The following NMUR1 variants were observed in gnomAD, a reference collection of about 807,000 sequenced individuals.
NMUR1 encodes the protein neuromedin U receptor 1.
NMUR1 carries 16 observed loss-of-function variants against 18.8 expected under a neutral mutation model. The ratio of observed to expected loss-of-function variants is 0.85; its 90% CI spans 0.58 to 1.29. NMUR1 has a LOEUF of 1.29. Among genes scored for constraint, NMUR1 ranks in the 50% most tolerant of loss-of-function variants. The pLI is 0.00. For synonymous variants in NMUR1, 258 were observed against 258.2 expected, an observed-to-expected ratio of 1.00 and a Z score of 0.01; for missense variants, 529 against 580.3, an observed-to-expected ratio of 0.91 and a Z score of 0.91.
chr2:231,525,109 G>A lies in NMUR1; in HGVS notation c.1215C>T (p.Gly405=). The A allele has an allele frequency of 6.2e-7, 1 of 1,612,670 alleles. No individual in the cohort carries two copies. The highest frequency in any genetic ancestry group is 8.5e-7 in the Non-Finnish European group (1 of 1,179,222). Residue 405 remains glycine (G), a synonymous_variant, in exon 3 of 3, where the codon GGC becomes GGT. Transcript: ENST00000305141. ...TCCCAGCCAGGGGGTGGACCCAGCT[G>A]CCCAGGGAGCCCACATCACACAGGG... The part of the protein sequence containing the change: ...GSTLCDVGSL[G]SWVHPLAGND...
In NMUR1 at chr2:231,528,828, C is replaced by A; in HGVS notation, c.193G>T (p.Ala65Ser). ...ACCACGAAGATCAGCAGGTATGTGG[C>A]ACAGATGGGCATGAACAGCTCTGTC... ...QQTELFMPICATYLLIFVVGA... is the reference protein window; with the variant it reads ...QQTELFMPICSTYLLIFVVGA... Residue 65 changes from alanine (A) to serine (S), a missense_variant, in exon 2 of 3, where the codon GCC (alanine) becomes TCC (serine). Physicochemically the swap from Ala to Ser is moderately conservative, Grantham distance 99. Transcript: ENST00000305141. The A allele has an allele frequency of 6.2e-7, 1 of 1,614,224 alleles. No homozygotes were observed. The highest frequency in any genetic ancestry group is 1.1e-5 in the South Asian group (1 of 91,080).
rs139422374 is a variant in NMUR1, at chr2:231,528,811, G to T, written c.210C>A (p.Ile70=). ...CATTGCCCACAGCGCCCACCACGAAGATCAGCAGGTATGTGGCACAGATGG... is the reference window on the plus strand; with the variant it reads ...CATTGCCCACAGCGCCCACCACGAATATCAGCAGGTATGTGGCACAGATGG... ...FMPICATYLL[I]FVVGAVGNGL... is the part of the protein sequence containing the mutation. Residue 70 remains isoleucine, a synonymous_variant, in exon 2 of 3, where the codon ATC becomes ATA. Coordinates refer to ENST00000305141, the MANE Select transcript of NMUR1 (RefSeq NM_006056.5). The T allele has an allele frequency of 2.5e-6, 4 of 1,614,242 alleles. No homozygotes were observed. In the African/African-American group the frequency reaches 5.3e-5, roughly 22 times the overall value.
chr2:231,521,946 C>G (rs913895415), downstream of NMUR1, among the ~76,000 whole-genome samples: 1 of 145,826 alleles, frequency 6.9e-6, no homozygotes, highest in Non-Finnish European at 1.5e-5. Flanking sequence ...ATGGTGCTCA[C>G]AAAGGGGCAC....
Position 231,524,846 on chromosome 2 carries a change from G to A in NMUR1, c.*197C>T. 1.7e-6 allele frequency: 1 copy of A among 598,976 alleles called. No homozygotes were observed. The highest frequency in any genetic ancestry group is 2.9e-5 in the East Asian group (1 of 34,180). 37.1% of individuals were successfully genotyped at this position (598,976 alleles called of 1,614,324 possible). A position where few individuals can be genotyped will look rare whatever the true frequency, so the allele number is the denominator to read the frequency against. Reference sequence around the variant, plus strand: ...ATAAGAAGCACAAGGTGTGGCGTCTGGTCAGTGTGAGTCCTCAGCAGTCAG... The same window carrying A: ...ATAAGAAGCACAAGGTGTGGCGTCTAGTCAGTGTGAGTCCTCAGCAGTCAG... On this transcript the variant is annotated 3_prime_UTR_variant, in exon 3 of 3. Transcript: ENST00000305141.
chr2:231,520,094 A>T (rs1575282833), downstream of NMUR1, among the ~76,000 whole-genome samples: 1 of 152,348 alleles, frequency 6.6e-6, no homozygotes, highest in African/African-American at 2.4e-5. Context: ...GAAATCAATA[A>T]TATTTGCTAA....
chr2:231,523,288 A>G lies in NMUR1; in HGVS notation c.*1755T>C, dbSNP rs2047321945. 2.8e-6 allele frequency: 1 copy of G among 358,896 alleles called. No homozygotes were observed. The highest frequency in any genetic ancestry group is 2.1e-5 in the African/African-American group (1 of 48,158). 22.2% of individuals were successfully genotyped at this position (358,896 alleles called of 1,614,324 possible). A position where few individuals can be genotyped will look rare whatever the true frequency, so the allele number is the denominator to read the frequency against. ...AAATACACATAACATAAAATGTACC[A>G]TCTTAACCATTTCAGTGTATAGTTC... On this transcript the variant is annotated 3_prime_UTR_variant, in exon 3 of 3. Coordinates refer to ENST00000305141, the MANE Select transcript of NMUR1 (RefSeq NM_006056.5).
At chr2:231,530,183 G>A (rs1177661367) in intron 1 of NMUR1, among the ~76,000 whole-genome samples, 176 bp downstream of exon 1, 1 of 152,088 alleles carries the variant, frequency 6.6e-6, no homozygotes, top group Non-Finnish European at 1.5e-5. Flanking sequence ...GCAGCCCCCC[G>A]GCGCCCCTGG....
At chr2:231,529,394 A>G (rs939435336) in intron 1 of NMUR1, among the ~76,000 whole-genome samples, 1 of 152,164 alleles carries the variant, frequency 6.6e-6, no homozygotes, top group Non-Finnish European at 1.5e-5. Flanking sequence ...CAGGAGACAG[A>G]GGTTGCAGTG....
At chr2:231,528,008 A>C (rs1014298289) in intron 2 of NMUR1, 115 bp downstream of exon 2, 19 of 973,188 alleles carry the variant, frequency 2.0e-5, no homozygotes, top group Non-Finnish European at 2.8e-5. Flanking sequence ...ACGAGACTAG[A>C]GGAGTTCCTC....
In NMUR1 at chr2:231,525,056, G is replaced by A. The variant is rs748784084; in HGVS notation, c.1268C>T (p.Thr423Ile). ...GNDGPEAQQE[T>I]DPS ...TTAAGGCTCCACTCAGGATGGATCG[G>A]TCTCTTGCTGCGCCTCTGGGCCATC... Residue 423 changes from threonine (T) to isoleucine (I), a missense_variant, in exon 3 of 3, where the codon ACC (threonine) becomes ATC (isoleucine). Thr to Ile is a moderately conservative substitution (Grantham distance 89). Coordinates refer to ENST00000305141, the MANE Select transcript of NMUR1 (RefSeq NM_006056.5). The A allele has an allele frequency of 2.7e-5, 42 of 1,579,512 alleles. No homozygotes were observed. Among genetic ancestry groups the A allele is most frequent in the Non-Finnish European group, 3.5e-5 (41 of 1,163,350 alleles).
downstream of NMUR1, among the ~76,000 whole-genome samples, chr2:231,522,426 G>A (rs965866705): frequency 6.6e-6 from 1 of 151,936 alleles, no homozygotes; most frequent in Non-Finnish European, 1.5e-5. Flanking sequence ...TCCAGAGCTG[G>A]TCTTGAGAAA....
At chr2:231,528,100 C>A in intron 2 of NMUR1, 23 bp downstream of exon 2, 1 of 1,523,666 alleles carries the variant, frequency 6.6e-7, no homozygotes, top group Non-Finnish European at 8.8e-7. Flanking sequence ...GGCTCAGCCC[C>A]TCTTCCCAGC....
intron 1 of NMUR1, 138 bp from the exon 2 acceptor site, chr2:231,529,155 C>T (rs2047391282): frequency 1.2e-6 from 1 of 850,092 alleles, no homozygotes; most frequent in Non-Finnish European, 1.8e-6. Flanking sequence ...AAAACTCTTC[C>T]ATCCACAAGT....
At position 231,530,221 on chromosome 2, in the gene NMUR1, T is replaced by G. The variant is rs989687003; in HGVS notation, c.3+138A>C. ...GGAAGACACAAATGACCCGAGAAGT[T>G]GCGAGGCTCCCCGGTGGCGGGGACG... On this transcript the variant is annotated intron_variant, in intron 1 of 2. Coordinates refer to ENST00000305141, the MANE Select transcript of NMUR1 (RefSeq NM_006056.5). 235 of 1,073,436 alleles carry G rather than the reference T, an allele frequency of 2.2e-4. 2 individuals are homozygous for G. In the East Asian group the frequency reaches 7.4e-3, roughly 34 times the overall value. 66.5% of individuals were successfully genotyped at this position (1,073,436 alleles called of 1,614,324 possible).
chr2:231,523,291 T>G lies in NMUR1; in HGVS notation c.*1752A>C, dbSNP rs2047321970. On this transcript the variant is annotated 3_prime_UTR_variant, in exon 3 of 3. Coordinates refer to ENST00000305141, the MANE Select transcript of NMUR1 (RefSeq NM_006056.5). ...TACACATAACATAAAATGTACCATC[T>G]TAACCATTTCAGTGTATAGTTCAGT... The G allele has an allele frequency of 1.1e-5, 4 of 359,182 alleles. No individual in the cohort carries two copies. Among genetic ancestry groups the G allele is most frequent in the South Asian group, 2.7e-4 (2 of 7,412 alleles). 22.2% of individuals were successfully genotyped at this position (359,182 alleles called of 1,614,324 possible). A position where few individuals can be genotyped will look rare whatever the true frequency, so the allele number is the denominator to read the frequency against.
rs759469043 is a variant in NMUR1, at chr2:231,528,316, G to A, written c.705C>T (p.Thr235=). 25 of 1,612,998 alleles carry A rather than the reference G, an allele frequency of 1.5e-5. No homozygotes were observed. The highest frequency in any genetic ancestry group is 5.5e-5 in the South Asian group (5 of 90,984). Residue 235 remains threonine, a synonymous_variant, in exon 2 of 3, where the codon ACC becomes ACT. Transcript: ENST00000305141. The part of the protein sequence containing the change: ...RALYNMVVQT[T]ALLFFCLPMA... ...TGGGCAGGCAGAAGAAGAGCAGCGCGGTGGTCTGCACTACCATGTTGTAGA... is the reference window on the plus strand; with the variant it reads ...TGGGCAGGCAGAAGAAGAGCAGCGCAGTGGTCTGCACTACCATGTTGTAGA...
chr2:231,521,973 C>CTCTCTTTTTTTT (rs71396675), downstream of NMUR1, among the ~76,000 whole-genome samples: 3 of 83,828 alleles, frequency 3.6e-5, no homozygotes, highest in East Asian at 3.2e-4. Flanking sequence ...TTTTTTTTCT[C>CTCTCTTTTTTTT]TTTTTTTTTT....
Position 231,523,429 on chromosome 2 carries a change from C to A in NMUR1, c.*1614G>T. 3.0e-6 allele frequency: 1 copy of A among 335,572 alleles called. No individual in the cohort carries two copies. Among genetic ancestry groups the A allele is most frequent in the Non-Finnish European group, 5.5e-6 (1 of 183,376 alleles). 20.8% of individuals were successfully genotyped at this position (335,572 alleles called of 1,614,324 possible). A position where few individuals can be genotyped will look rare whatever the true frequency, so the allele number is the denominator to read the frequency against. On this transcript the variant is annotated 3_prime_UTR_variant, in exon 3 of 3. Coordinates refer to ENST00000305141, the MANE Select transcript of NMUR1 (RefSeq NM_006056.5). ...TCCTCACTTGCCCTTCCCCCATTCC[C>A]TGGCAAGAGAGGTTTTACATTTTTA...
At chr2:231,527,623 G>C (rs1000583643) in intron 2 of NMUR1, among the ~76,000 whole-genome samples, 19 of 137,476 alleles carry the variant, frequency 1.4e-4, no homozygotes, top group Admixed American at 2.3e-4. Flanking sequence ...GAGTGACAGA[G>C]CAAGACCCTG....
Sources: allele counts gnomAD v4.1 joint callset (sites outside exome capture counted in the v4.1 genomes callset), GRCh38; gene constraint gnomAD v4.1.1; transcripts MANE v1.5; gene names NCBI Gene and HGNC (gene_info 2026-07-23, HGNC 2026-07-21).